The following SGCD variants were observed in gnomAD, a reference collection of about 807,000 sequenced individuals.
SGCD encodes the protein delta-sarcoglycan.
In SGCD, 18 loss-of-function variants were observed where a neutral mutation model predicts 36.6. The ratio of observed to expected loss-of-function variants is 0.49; its 90% confidence interval spans 0.34 to 0.73. The LOEUF (loss-of-function observed/expected upper bound fraction) is 0.73, where lower values mean the gene tolerates loss of function less well. Among genes scored for constraint, SGCD ranks in the 30% least tolerant of loss-of-function variants. The probability of loss-of-function intolerance (pLI) is 0.01; values close to 1 mark genes in which losing one functional copy is unlikely to be tolerated. For synonymous variants in SGCD, 133 were observed against 130.6 expected, an observed-to-expected ratio of 1.02 and a Z score of -0.12; for missense variants, 387 against 346.7, an observed-to-expected ratio of 1.12 and a Z score of -0.92.
At chr5:156,079,725 G>A (rs536915215) in intron 1 of SGCD, among the ~76,000 whole-genome samples, 43 of 152,312 alleles carry the variant, frequency 2.8e-4, no homozygotes, top group Non-Finnish European at 5.1e-4. Flanking sequence ...CAAGAGGTGG[G>A]CCCCTAAGGT....
intron 7 of SGCD, among the ~76,000 whole-genome samples, chr5:156,733,806 C>T (rs1291465241): frequency 6.6e-6 from 1 of 152,114 alleles, no homozygotes; most frequent in Admixed American, 6.6e-5. Context: ...AAGATTACAA[C>T]CCCTGCTTTT....
At chr5:155,821,302 C>T in the SGCD span, among the ~76,000 whole-genome samples, 8 of 152,060 alleles carry the variant, frequency 5.3e-5, no homozygotes, top group South Asian at 1.5e-3. Context: ...CAAGAACAGT[C>T]ATTGAAGAGT....
chr5:156,482,768 C>A (rs1755486864), intron 3 of SGCD, among the ~76,000 whole-genome samples: 1 of 147,074 alleles, frequency 6.8e-6, no homozygotes, highest in African/African-American at 2.5e-5. Flanking sequence ...TCTATCCTCC[C>A]TACAAGATAA....
In SGCD at chr5:156,447,328, A is replaced by G. The variant is rs192927240; in HGVS notation, c.193-61273A>G. 1.1e-3 allele frequency among the ~76,000 whole-genome samples: 174 copies of G among 152,282 alleles called. 1 individual carries two copies. Among genetic ancestry groups the G allele is most frequent in the Admixed American group, 4.2e-3 (64 of 15,290 alleles). On this transcript the variant is annotated intron_variant, in intron 3 of 8. Coordinates refer to ENST00000337851, the MANE Select transcript of SGCD (RefSeq NM_000337.6). ...GAAATGGAAGTTTCTGTAGCATTCAATCTAATACAATATAACACACAAATG... is the reference window on the plus strand; with the variant it reads ...GAAATGGAAGTTTCTGTAGCATTCAGTCTAATACAATATAACACACAAATG...
intron 1 of SGCD, among the ~76,000 whole-genome samples, chr5:155,911,120 CT>C (rs1409327990): frequency 7.2e-5 from 11 of 152,046 alleles, no homozygotes; most frequent in Non-Finnish European, 2.9e-5. Flanking sequence ...CCATATCAAT[CT>C]TTAACATCTG....
intron 5 of SGCD, among the ~76,000 whole-genome samples, chr5:156,593,904 TAA>T (rs1458547316): frequency 6.6e-6 from 1 of 152,218 alleles, no homozygotes; most frequent in Non-Finnish European, 1.5e-5. Flanking sequence ...GGAAAAAGTA[TAA>T]GATTTCTAGA....
At chr5:156,708,191 G>T (rs1241677602) in intron 7 of SGCD, among the ~76,000 whole-genome samples, 5 of 151,298 alleles carry the variant, frequency 3.3e-5, no homozygotes, top group Non-Finnish European at 7.4e-5. Context: ...TTAATTTTTT[G>T]GTTATCTTCT....
chr5:155,851,208 G>A, the SGCD span, among the ~76,000 whole-genome samples: 1 of 152,226 alleles, frequency 6.6e-6, no homozygotes, highest in Admixed American at 6.5e-5. Context: ...GACATGCAGT[G>A]TGTTCTTCGG....
chr5:156,736,839 G>A (rs909559967), intron 7 of SGCD, among the ~76,000 whole-genome samples: 3 of 152,174 alleles, frequency 2.0e-5, no homozygotes, highest in Non-Finnish European at 4.4e-5. Flanking sequence ...TTCCAAATAT[G>A]CCTTCTGACT....
chr5:156,641,910 C>A (rs904397030), intron 6 of SGCD, among the ~76,000 whole-genome samples: 2 of 152,176 alleles, frequency 1.3e-5, no homozygotes, highest in Admixed American at 6.6e-5. Context: ...CCTTAAGTGT[C>A]TTTTCCATGA....
intron 3 of SGCD, among the ~76,000 whole-genome samples, chr5:156,393,037 C>T (rs114027505): frequency 2.0e-5 from 3 of 152,114 alleles, no homozygotes; most frequent in Non-Finnish European, 2.9e-5. Context: ...TGGGCACAGG[C>T]CCAGGGTTGG....
upstream of SGCD, among the ~76,000 whole-genome samples, chr5:156,323,834 A>C (rs146081747): frequency 2.8e-3 from 420 of 152,290 alleles, 4 homozygotes; most frequent in African/African-American, 9.5e-3. Flanking sequence ...AAGAATAAAA[A>C]GGTGTAATAG....
chr5:156,456,480 T>C (rs1053271324), intron 3 of SGCD, among the ~76,000 whole-genome samples: 1 of 152,218 alleles, frequency 6.6e-6, no homozygotes, highest in Non-Finnish European at 1.5e-5. Context: ...AGCTGAATTA[T>C]GTTCTGCTGT....
intron 3 of SGCD, among the ~76,000 whole-genome samples, chr5:156,188,666 C>CCA (rs756401950): frequency 0.054 from 3,407 of 63,534 alleles, 59 homozygotes; most frequent in African/African-American, 0.14. Context: ...ACCACCCCAA[C>CCA]CGCCCCCCCC....
intron 1 of SGCD, among the ~76,000 whole-genome samples, chr5:156,035,460 A>T (rs184594352): frequency 2.0e-5 from 3 of 152,198 alleles, no homozygotes; most frequent in African/African-American, 7.2e-5. Flanking sequence ...AAATAAAAAC[A>T]TTAGCCAGGT....
At chr5:156,599,149 A>G (rs1368128529) in intron 6 of SGCD, among the ~76,000 whole-genome samples, 2 of 152,228 alleles carry the variant, frequency 1.3e-5, no homozygotes, top group Non-Finnish European at 2.9e-5. Context: ...GGATTCAGCC[A>G]TATGGTGTGG....
the SGCD span, among the ~76,000 whole-genome samples, chr5:155,836,257 C>A: frequency 6.6e-6 from 1 of 152,134 alleles, no homozygotes; most frequent in Admixed American, 6.5e-5. Context: ...CCACCCTGTT[C>A]CAGATGTGGA....
intron 1 of SGCD, among the ~76,000 whole-genome samples, chr5:155,975,622 T>A: frequency 1.2e-5 from 1 of 85,388 alleles, no homozygotes; most frequent in African/African-American, 5.2e-5. Flanking sequence ...TTTTTTTTTT[T>A]TTTTTTTTTT....
intron 6 of SGCD, among the ~76,000 whole-genome samples, chr5:156,607,937 C>T (rs1323055607): frequency 6.6e-6 from 1 of 151,868 alleles, no homozygotes; most frequent in Non-Finnish European, 1.5e-5. Context: ...CTTCTCTTTT[C>T]TTCTTGGTTA....
Sources: gnomAD v4.1 joint callset for allele counts (sites outside exome capture counted in the v4.1 genomes callset) on GRCh38, gnomAD v4.1.1 for gene constraint, MANE v1.5 for transcripts, NCBI Gene and HGNC (gene_info 2026-07-23, HGNC 2026-07-21) for gene names.